The following ZNF546 variants were observed in gnomAD, a reference collection of about 807,000 sequenced individuals.
The protein encoded by ZNF546 is CTC-471F3.6.
In ZNF546, 60 loss-of-function variants were observed where a neutral mutation model predicts 76.2. The ratio of observed to expected loss-of-function variants is 0.79; its 90% CI spans 0.64 to 0.98. The LOEUF is 0.98. Among genes scored for constraint, ZNF546 ranks in the 50% least tolerant of loss-of-function variants. ZNF546 has a pLI of 0.00. For synonymous variants in ZNF546, 277 were observed against 328.1 expected (o/e 0.84, Z 1.68); for missense variants, 936 against 1,035.6 (o/e 0.90, Z 1.32).
At chr19:40,000,556 C>T (rs1203034578) in intron 3 of ZNF546, among the ~76,000 whole-genome samples, 3 of 143,202 alleles carry the variant, frequency 2.1e-5, no homozygotes, top group African/African-American at 7.8e-5. Flanking sequence ...CAGGAGGTTG[C>T]AGTGAGCCGA....
intron 6 of ZNF546, among the ~76,000 whole-genome samples, chr19:40,012,057 C>G (rs74346916): frequency 2.0e-3 from 305 of 152,292 alleles, no homozygotes; most frequent in African/African-American, 7.1e-3. Context: ...TTGCCTTACT[C>G]TACTAGCCAG....
intron 3 of ZNF546, among the ~76,000 whole-genome samples, chr19:40,002,283 G>A (rs1385287380): frequency 6.6e-6 from 1 of 152,116 alleles, no homozygotes; most frequent in Non-Finnish European, 1.5e-5. Flanking sequence ...ATTATTATAA[G>A]TTGTTATATG....
intron 3 of ZNF546, among the ~76,000 whole-genome samples, chr19:40,000,020 GAA>G: frequency 6.6e-6 from 1 of 152,208 alleles, no homozygotes; most frequent in Non-Finnish European, 1.5e-5. Context: ...CTTCTAGTTA[GAA>G]AAACTAATTC....
At position 40,007,230 on chromosome 19, in the gene ZNF546, A is replaced by C. The variant is rs771798698; in HGVS notation, c.172-44A>C. ...CCTGCAAAGCAGTTTTCCATCTTGA[A>C]AATACATTTAATTTTTTTTTAATAC... On this transcript the variant is annotated intron_variant, in intron 4 of 6. Coordinates refer to ENST00000347077, the MANE Select transcript of ZNF546 (RefSeq NM_178544.5). 38 of 1,443,860 alleles carry C rather than the reference A, an allele frequency of 2.6e-5. No individual in the cohort carries two copies. The African/African-American group carries it at 4.3e-4, about 16-fold the overall frequency. 89.4% of individuals were successfully genotyped at this position (1,443,860 alleles called of 1,614,324 possible). A position where few individuals can be genotyped will look rare whatever the true frequency, so the allele number is the denominator to read the frequency against.
chr19:40,011,190 T>G (rs1380876348), intron 6 of ZNF546: 2 of 152,234 alleles, frequency 1.3e-5, no homozygotes, highest in Middle Eastern at 3.4e-3. Flanking sequence ...AAGAAATCTT[T>G]GCCCAATATA....
rs1239111497 is a variant in ZNF546, at chr19:40,006,531, C to CA, written c.171+353dup. Among the ~76,000 whole-genome samples the CA allele has an allele frequency of 2.6e-5, 4 of 152,152 alleles. No individual in the cohort carries two copies. The East Asian group carries it at 7.7e-4, about 29-fold the overall frequency. On this transcript the variant is annotated intron_variant, in intron 4 of 6. Transcript: ENST00000347077. The stretch of plus-strand genomic sequence containing the variant: ...AATTTCCAAGGGATGAATAAGAAAA[C>CA]AAAAGTCAATTTTGTGGTTGAGGAG...
chr19:40,007,280 T>C lies in ZNF546; in HGVS notation c.178T>C (p.Leu60=). 1.3e-6 allele frequency: 2 copies of C among 1,545,860 alleles called. No individual in the cohort carries two copies. Among genetic ancestry groups the C allele is most frequent in the Non-Finnish European group, 1.7e-6 (2 of 1,144,656 alleles). The change falls in exon 5 of 7, where the codon TTG becomes CTG. Residue 60 remains leucine, a synonymous_variant. Coordinates refer to ENST00000347077, the MANE Select transcript of ZNF546 (RefSeq NM_178544.5). ...CGSKTMANVS[L]AFRDVSIDLS... The stretch of plus-strand genomic sequence containing the variant: ...CATAGGCTTGTCATTTCAGGTATCT[T>C]TGGCATTTAGGGATGTGTCCATAGA...
chr19:40,005,691 A>G (rs187967024), intron 3 of ZNF546, among the ~76,000 whole-genome samples: 12 of 144,572 alleles, frequency 8.3e-5, no homozygotes, highest in Admixed American at 2.7e-4. Context: ...CCTGTCTCCA[A>G]AAAAAAAAAA....
intron 2 of ZNF546, 143 bp from the exon 3 acceptor site, chr19:39,998,105 C>A (rs1174681058): frequency 1.9e-6 from 1 of 536,568 alleles, no homozygotes; most frequent in African/African-American, 1.9e-5. Flanking sequence ...CTTTCTGTAG[C>A]TTTCATTTGC....
chr19:40,002,260 T>A (rs935339218), intron 3 of ZNF546, among the ~76,000 whole-genome samples: 2 of 152,250 alleles, frequency 1.3e-5, no homozygotes, highest in African/African-American at 4.8e-5. Context: ...GCTATTAGTA[T>A]TTTTAATATT....
At chr19:40,012,010 T>C (rs1159308549) in intron 6 of ZNF546, among the ~76,000 whole-genome samples, 2 of 152,192 alleles carry the variant, frequency 1.3e-5, no homozygotes, top group Non-Finnish European at 2.9e-5. Flanking sequence ...AATAAAGGCG[T>C]TTATTTTTCT....
Position 40,008,980 on chromosome 19 carries a change from C to CT in ZNF546, c.394+417dup, listed in dbSNP as rs142269190. ...AGTTTAGGCACTACTGATAGACACTCTTGTCACAGAGATGTTGATATTATA... is the reference window on the plus strand; with the variant it reads ...AGTTTAGGCACTACTGATAGACACTCTTTGTCACAGAGATGTTGATATTATA... On this transcript the variant is annotated intron_variant, in intron 6 of 6. Coordinates refer to ENST00000347077, the MANE Select transcript of ZNF546 (RefSeq NM_178544.5). Among the ~76,000 whole-genome samples the CT allele has an allele frequency of 2.7e-4, 41 of 152,292 alleles. No homozygotes were observed. The East Asian group carries it at 6.0e-3, about 22-fold the overall frequency.
chr19:40,008,230 G>A (rs113778528), intron 5 of ZNF546, among the ~76,000 whole-genome samples: 41 of 147,070 alleles, frequency 2.8e-4, no homozygotes, highest in South Asian at 1.5e-3. Flanking sequence ...CTATACTGCC[G>A]TTAACAGCAA....
Position 40,014,886 on chromosome 19 carries a change from A to G in ZNF546, c.1616A>G (p.Glu539Gly). 1.2e-6 allele frequency: 2 copies of G among 1,613,864 alleles called. No homozygotes were observed. The highest frequency in any genetic ancestry group is 8.5e-7 in the Non-Finnish European group (1 of 1,179,898). ...ECGKAFRLQG[E>G]LTRHHRIHTC... ...GGAAAAGCCTTTCGTCTTCAAGGAG[A>G]ACTTACCCGACATCACAGAATTCAT... The change falls in exon 7 of 7, where the codon GAA becomes GGA. Residue 539 changes from glutamate to glycine, a missense_variant. Transcript: ENST00000347077.
chr19:40,002,325 T>C (rs1046015180), intron 3 of ZNF546, among the ~76,000 whole-genome samples: 6 of 152,238 alleles, frequency 3.9e-5, no homozygotes, highest in African/African-American at 1.4e-4. Flanking sequence ...CTTAATATGC[T>C]TTAATAGCCA....
chr19:39,998,509 C>A, intron 3 of ZNF546, 99 bp downstream of exon 3: 1 of 1,022,678 alleles, frequency 9.8e-7, no homozygotes. Context: ...CAATCTTCTC[C>A]AAAGACCTCA....
intron 3 of ZNF546, among the ~76,000 whole-genome samples, chr19:40,004,303 C>T (rs1046796505): frequency 8.6e-5 from 13 of 151,536 alleles, no homozygotes; most frequent in African/African-American, 2.7e-4. Context: ...GTCTCACTCC[C>T]GTCGCACAGG....
intron 3 of ZNF546, among the ~76,000 whole-genome samples, chr19:40,001,179 T>G (rs762032913): frequency 2.0e-5 from 3 of 152,168 alleles, no homozygotes; most frequent in Admixed American, 6.5e-5. Flanking sequence ...TAAATACAGA[T>G]GAAGCTTCCC....
In ZNF546 at chr19:40,014,035, TC is replaced by T; in HGVS notation, c.766del (p.Arg256GlufsTer43). Reference protein sequence around the residue: ...KCMECGKAFCRVGDLRVHHTI... With the variant: ...KCMECGKAFCXVGDLRVHHTI... ...GTATGGAATGTGGAAAGGCCTTTTGTCGAGTGGGAGACCTTAGAGTACATCA... is the reference window on the plus strand; with the variant it reads ...GTATGGAATGTGGAAAGGCCTTTTGTGAGTGGGAGACCTTAGAGTACATCA... On this transcript the variant is annotated frameshift_variant, in exon 7 of 7. Coordinates refer to ENST00000347077, the MANE Select transcript of ZNF546 (RefSeq NM_178544.5). LOFTEE classifies it high-confidence loss of function. 1 of 1,611,892 alleles carries T rather than the reference TC, an allele frequency of 6.2e-7. No individual in the cohort carries two copies. Among genetic ancestry groups the T allele is most frequent in the Non-Finnish European group, 8.5e-7 (1 of 1,178,518 alleles).
Sources: gnomAD v4.1 joint callset for allele counts (sites outside exome capture counted in the v4.1 genomes callset) on GRCh38, gnomAD v4.1.1 for gene constraint, MANE v1.5 for transcripts, NCBI Gene and HGNC (gene_info 2026-07-23, HGNC 2026-07-21) for gene names.